Variants in ASAP2 observed in about 807,000 individuals in gnomAD.
ASAP2 encodes the protein ArfGAP with SH3 domain, ankyrin repeat and PH domain 2.
In ASAP2, 45 loss-of-function variants were observed where a neutral mutation model predicts 131.4. The ratio of observed to expected loss-of-function variants is 0.34; its 90% CI spans 0.27 to 0.44. ASAP2 has a LOEUF of 0.44. ASAP2 is among the 20% of genes least tolerant of loss of function. The pLI, the probability that ASAP2 is intolerant of heterozygous loss-of-function variation, is 1.00. For missense variants in ASAP2, 1,011 were observed against 1,297.0 expected, an observed-to-expected ratio of 0.78 and a Z score of 3.39; for synonymous variants, 510 against 503.0, an observed-to-expected ratio of 1.01 and a Z score of -0.19.
At chr2:9,391,310 G>A in intron 23 of ASAP2, 114 bp downstream of exon 23, 1 of 1,410,276 alleles carries the variant, frequency 7.1e-7, no homozygotes. Flanking sequence ...AGTGCCCCGT[G>A]TTGTATGGCT....
intron 1 of ASAP2, among the ~76,000 whole-genome samples, chr2:9,275,212 G>A (rs567614434): frequency 4.1e-4 from 63 of 151,844 alleles, no homozygotes; most frequent in Non-Finnish European, 8.1e-4. Context: ...TGGGATTACA[G>A]GTGCATGTTC....
rs2715860 is a variant in ASAP2 at position 9,388,407 on chromosome 2, G to C, written c.2244G>C (p.Glu748Asp). The part of the protein sequence containing the change: ...LARDAANLAK[E>D]KQRAFMPSIL... ...GAGATGCTGCAAACCTTGCCAAGGA[G>C]AAGCAGAGGGCTTTCATGCCCAGCA... The change falls in exon 22 of 28, where the codon GAG becomes GAC. Residue 748 changes from glutamate (E) to aspartate (D), a missense_variant. This residue lies in a region of ASAP2 where 652 missense variants were observed against 698.9 expected (regional missense o/e 0.93). Transcript: ENST00000281419. The C allele has an allele frequency of 0.35, 559,560 of 1,613,828 alleles. 108,865 individuals carry two copies. The highest frequency in any genetic ancestry group is 0.84 in the African/African-American group (63,062 of 74,976).
intron 9 of ASAP2, among the ~76,000 whole-genome samples, chr2:9,343,536 T>C (rs1215651741): frequency 1.3e-5 from 2 of 152,194 alleles, no homozygotes; most frequent in African/African-American, 4.8e-5. Context: ...AACCTCGATC[T>C]CCCAGGCTCA....
chr2:9,233,508 C>T (rs1446826029), intron 1 of ASAP2, among the ~76,000 whole-genome samples: 1 of 152,154 alleles, frequency 6.6e-6, no homozygotes, highest in East Asian at 1.9e-4. Flanking sequence ...GGGACCAATA[C>T]ACTTTGCAGG....
At chr2:9,230,147 TCA>T (rs1159268832) in intron 1 of ASAP2, among the ~76,000 whole-genome samples, 2 of 152,228 alleles carry the variant, frequency 1.3e-5, no homozygotes, top group African/African-American at 4.8e-5. Flanking sequence ...TTCTAGGCAC[TCA>T]CAGTTTCAGA....
chr2:9,249,333 C>G (rs1664552045), intron 1 of ASAP2, among the ~76,000 whole-genome samples: 1 of 152,220 alleles, frequency 6.6e-6, no homozygotes, highest in Non-Finnish European at 1.5e-5. Flanking sequence ...CCATTCTGCC[C>G]TCACGTCTCT....
chr2:9,258,787 A>T (rs1665360535), intron 1 of ASAP2, among the ~76,000 whole-genome samples: 1 of 152,158 alleles, frequency 6.6e-6, no homozygotes, highest in Admixed American at 6.5e-5. Flanking sequence ...GAAACAGATG[A>T]TCTTCACTTT....
chr2:9,374,910 A>G lies in ASAP2; in HGVS notation c.1712A>G (p.Asp571Gly), dbSNP rs1009077989. 1.9e-6 allele frequency: 3 copies of G among 1,611,146 alleles called. No individual in the cohort carries two copies. In the African/African-American group the frequency reaches 4.0e-5, roughly 22 times the overall value. The change falls in exon 17 of 28, where the codon GAT becomes GGT. Residue 571 changes from aspartate to glycine, a missense_variant. Transcript: ENST00000281419. Reference sequence around the variant, plus strand: ...CTCCAAGCTTATGCTGATGGTGTGGATCTTACGGAAAAAATCCCACTGGCC... The same window carrying G: ...CTCCAAGCTTATGCTGATGGTGTGGGTCTTACGGAAAAAATCCCACTGGCC... The part of the protein sequence containing the change: ...GLLQAYADGV[D>G]LTEKIPLANG...
intron 19 of ASAP2, among the ~76,000 whole-genome samples, chr2:9,379,997 A>G (rs553263621): frequency 1.3e-5 from 2 of 149,900 alleles, no homozygotes; most frequent in South Asian, 4.2e-4. Flanking sequence ...TCTCAAAAAA[A>G]AAAAAATAAA....
At chr2:9,282,596 G>T (rs191782742) in intron 2 of ASAP2, among the ~76,000 whole-genome samples, 1 of 152,336 alleles carries the variant, frequency 6.6e-6, no homozygotes, top group East Asian at 1.9e-4. Flanking sequence ...TACAGTCATG[G>T]GCTCTGAAGG....
At chr2:9,254,893 C>T (rs531394093) in intron 1 of ASAP2, among the ~76,000 whole-genome samples, 1 of 152,274 alleles carries the variant, frequency 6.6e-6, no homozygotes, top group East Asian at 1.9e-4. Context: ...CATTTGACTA[C>T]AAGTCTTTGT....
intron 15 of ASAP2, among the ~76,000 whole-genome samples, chr2:9,367,761 C>CA (rs1553323092): frequency 6.6e-6 from 1 of 151,506 alleles, no homozygotes; most frequent in African/African-American, 2.4e-5. Context: ...GACACTGTCT[C>CA]AAAAAAAAGA....
intron 1 of ASAP2, among the ~76,000 whole-genome samples, chr2:9,216,334 T>C (rs569973974): frequency 4.6e-5 from 7 of 151,146 alleles, no homozygotes; most frequent in African/African-American, 1.7e-4. Context: ...TTGCCCAGGC[T>C]TGAGTGCAGT....
chr2:9,289,919 T>A (rs2148358335), intron 2 of ASAP2, among the ~76,000 whole-genome samples: 1 of 152,182 alleles, frequency 6.6e-6, no homozygotes, highest in South Asian at 2.1e-4. Context: ...GGAAAGATGA[T>A]GGAAATGGGT....
In ASAP2 at chr2:9,378,865, C is replaced by G. The variant is rs1674607536; in HGVS notation, c.1833-79C>G. 2.9e-6 allele frequency: 3 copies of G among 1,044,264 alleles called. No homozygotes were observed. The East Asian group carries it at 9.3e-5, about 32-fold the overall frequency. The allele number at this position is 1,044,264 out of a possible 1,614,324, so 64.7% of individuals were successfully genotyped here. ...TGTCTGCCTTTCCTGTGCCCGTAGC[C>G]CAGGCTCCCTGCCGGGCAGTCCCTG... is the stretch of plus-strand genomic sequence containing the variant. On this transcript the variant is annotated intron_variant, in intron 18 of 27. Transcript: ENST00000281419.
Position 9,401,347 on chromosome 2 carries a change from C to T in ASAP2, c.2897C>T (p.Ser966Phe), listed in dbSNP as rs762610686. The change falls in exon 27 of 28, where the codon TCC (serine) becomes TTC (phenylalanine). Residue 966 changes from serine (S) to phenylalanine (F), a missense_variant. By Grantham distance (155) the Ser-to-Phe change is radical. Transcript: ENST00000281419. ...VADNPDELTF[S>F]EGDVIIVDGE... ...GACAACCCCGATGAGCTCACCTTCT[C>T]CGAGGGGGATGTGATCATCGTGGAC... 3.7e-6 allele frequency: 6 copies of T among 1,613,482 alleles called. No individual in the cohort carries two copies. The highest frequency in any genetic ancestry group is 1.3e-5 in the African/African-American group (1 of 74,888).
chr2:9,267,132 G>A (rs891502184), intron 1 of ASAP2, among the ~76,000 whole-genome samples: 1 of 151,976 alleles, frequency 6.6e-6, no homozygotes, highest in African/African-American at 2.4e-5. Flanking sequence ...TTTTTTCAAT[G>A]AGATTTTTTT....
intron 3 of ASAP2, among the ~76,000 whole-genome samples, chr2:9,304,425 A>G (rs1357657068): frequency 7.1e-6 from 1 of 140,538 alleles, no homozygotes; most frequent in Non-Finnish European, 1.5e-5. Flanking sequence ...GAATGGCTCT[A>G]GTGGGGATGT....
Position 9,344,572 on chromosome 2 carries a change from A to G in ASAP2, c.890A>G (p.Gln297Arg). ...CAGAGCACAGCTTATAGCTTACATC[A>G]GCCTCAGGGAAACAAGGAACATGGG... ...IRQSTAYSLH[Q>R]PQGNKEHGTE... is the part of the protein sequence containing the mutation. Residue 297 changes from glutamine (Q) to arginine (R), a missense_variant, in exon 10 of 28, where the codon CAG (glutamine) becomes CGG (arginine). Gln to Arg is a conservative substitution (Grantham distance 43). Transcript: ENST00000281419. 6.2e-7 allele frequency: 1 copy of G among 1,614,172 alleles called. No homozygotes were observed. The highest frequency in any genetic ancestry group is 2.2e-5 in the East Asian group (1 of 44,886).
Sources: allele counts gnomAD v4.1 joint callset (sites outside exome capture counted in the v4.1 genomes callset), GRCh38; gene constraint gnomAD v4.1.1; regional missense constraint gnomAD v4.1.1; transcripts MANE v1.5; gene names NCBI Gene and HGNC (gene_info 2026-07-23, HGNC 2026-07-21).